HIGD1A: variants seen among roughly 807,000 people sequenced by gnomAD.
HIGD1A encodes the protein HIG1 hypoxia inducible domain family member 1A.
In HIGD1A, 8 loss-of-function variants were observed where a neutral mutation model predicts 11.3. The ratio of observed to expected loss-of-function variants is 0.71; its 90% confidence interval spans 0.42 to 1.28. HIGD1A has a LOEUF of 1.28. Among genes scored for constraint, HIGD1A ranks in the 50% most tolerant of loss-of-function variants. The pLI is 0.01. For synonymous variants in HIGD1A, 32 were observed against 38.4 expected, an observed-to-expected ratio of 0.83 and a Z score of 0.62; for missense variants, 107 against 118.8, an observed-to-expected ratio of 0.90 and a Z score of 0.46.
chr3:42,785,729 T>C (rs1360984582), intron 3 of HIGD1A, among the ~76,000 whole-genome samples: 3 of 152,240 alleles, frequency 2.0e-5, no homozygotes, highest in African/African-American at 4.8e-5. Flanking sequence ...AGCAATTGTA[T>C]GTCTCTCCCA....
chr3:42,785,944 T>C (rs1700344055), intron 3 of HIGD1A, 84 bp downstream of exon 3: 1 of 1,256,112 alleles, frequency 8.0e-7, no homozygotes, highest in East Asian at 2.3e-5. Context: ...TGCTAAAAGG[T>C]CAGCTAAAAA....
intron 1 of HIGD1A, among the ~76,000 whole-genome samples, chr3:42,799,666 G>A (rs1293670245): frequency 6.6e-6 from 1 of 151,786 alleles, no homozygotes; most frequent in Non-Finnish European, 1.5e-5. Flanking sequence ...ATGTTGGCCA[G>A]CCTGGTCTCA....
Position 42,786,038 on chromosome 3 carries a change from T to C in HIGD1A, c.222A>G (p.Ala74=), listed in dbSNP as rs376462089. Reference sequence around the variant, plus strand: ...CCTATAGGAACCTACCAACAGTCATTGCTCCTACAACAAAGCCTTGGGCTG... The same window carrying C: ...CCTATAGGAACCTACCAACAGTCATCGCTCCTACAACAAAGCCTTGGGCTG... ...RVAAQGFVVG[A]MTVGMGYSMY... Residue 74 remains alanine, a synonymous_variant, in exon 3 of 4, where the codon GCA becomes GCG. Transcript: ENST00000321331. The C allele has an allele frequency of 2.5e-6, 4 of 1,612,470 alleles. No individual in the cohort carries two copies. The highest frequency in any genetic ancestry group is 2.2e-5 in the East Asian group (1 of 44,884).
chr3:42,785,595 G>C (rs1700339878), intron 3 of HIGD1A, among the ~76,000 whole-genome samples: 1 of 152,130 alleles, frequency 6.6e-6, no homozygotes, highest in South Asian at 2.1e-4. Flanking sequence ...TATTTATCTG[G>C]TAACTTTGAA....
In HIGD1A at chr3:42,789,536, A is replaced by G. The variant is rs563346660; in HGVS notation, c.98-3374T>C. On this transcript the variant is annotated intron_variant, in intron 2 of 3. Transcript: ENST00000321331. ...AAATTTTAATAAAAAATAAATTAAA[A>G]AAAAGAATTCACTGGAAGAACATCC... 4.1e-5 allele frequency among the ~76,000 whole-genome samples: 6 copies of G among 145,138 alleles called. No individual in the cohort carries two copies. In the Admixed American group the frequency reaches 4.4e-4, roughly 11 times the overall value.
At chr3:42,794,388 C>T (rs1453681267) in intron 1 of HIGD1A, 113 bp from the exon 2 acceptor site, 1 of 1,020,828 alleles carries the variant, frequency 9.8e-7, no homozygotes, top group South Asian at 2.0e-5. Context: ...ATATGTTATC[C>T]ATAATCCTAA....
At chr3:42,792,937 G>A (rs1356153761) in intron 2 of HIGD1A, among the ~76,000 whole-genome samples, 6 of 141,230 alleles carry the variant, frequency 4.2e-5, no homozygotes, top group Admixed American at 7.1e-5. Context: ...AGCCGATATC[G>A]CGCCACTGCA....
chr3:42,785,963 TA>T, intron 3 of HIGD1A, 64 bp downstream of exon 3: 1 of 1,452,980 alleles, frequency 6.9e-7, no homozygotes, highest in Non-Finnish European at 9.6e-7. Context: ...AATATTTACC[TA>T]TTTTGTTTGT....
intron 1 of HIGD1A, 141 bp downstream of exon 1, chr3:42,804,295 C>T (rs1489628642): frequency 1.8e-6 from 2 of 1,135,608 alleles, no homozygotes; most frequent in South Asian, 1.4e-5. Flanking sequence ...CCCGGCAACT[C>T]CACCTCTCCT....
rs570516950 is a variant in HIGD1A at position 42,804,422 on chromosome 3, C to T, written c.-23+14G>A. On this transcript the variant is annotated intron_variant, in intron 1 of 3. Transcript: ENST00000321331. ...GAGTCCCTGGCTCGCAGTCCCCCGG[C>T]TTGTTTCGCTTACCTAGAGCGAGAA... The T allele has an allele frequency of 7.2e-5, 36 of 501,244 alleles. No individual in the cohort carries two copies. The highest frequency in any genetic ancestry group is 6.6e-4 in the African/African-American group (33 of 50,166). 31.0% of individuals were successfully genotyped at this position (501,244 alleles called of 1,614,324 possible). A position where few individuals can be genotyped will look rare whatever the true frequency, so the allele number is the denominator to read the frequency against.
At chr3:42,788,911 G>A (rs1331603046) in intron 2 of HIGD1A, among the ~76,000 whole-genome samples, 4 of 150,416 alleles carry the variant, frequency 2.7e-5, no homozygotes, top group Non-Finnish European at 5.9e-5. Flanking sequence ...GCCATGAGAA[G>A]AGAATTACAA....
At chr3:42,787,523 G>A (rs186680204) in intron 2 of HIGD1A, among the ~76,000 whole-genome samples, 53 of 148,490 alleles carry the variant, frequency 3.6e-4, no homozygotes, top group Admixed American at 9.4e-4. Context: ...CCTGGGAGGC[G>A]GAGGTTGCAG....
At chr3:42,795,219 CTTTT>C (rs5848631) in intron 1 of HIGD1A, among the ~76,000 whole-genome samples, 4 of 127,630 alleles carry the variant, frequency 3.1e-5, no homozygotes, top group African/African-American at 5.8e-5. Context: ...TTATGATTAG[CTTTT>C]TTTTTTTTTT....
chr3:42,793,008 C>T (rs755545640), intron 2 of HIGD1A, among the ~76,000 whole-genome samples: 6 of 148,586 alleles, frequency 4.0e-5, no homozygotes, highest in African/African-American at 1.2e-4. Context: ...AGTCGAGTTT[C>T]GAATAACATA....
chr3:42,800,473 CCT>C (rs1700542483), intron 1 of HIGD1A, among the ~76,000 whole-genome samples: 1 of 152,060 alleles, frequency 6.6e-6, no homozygotes, highest in Non-Finnish European at 1.5e-5. Context: ...GCTCTCTATA[CCT>C]CTAAGCCTTT....
At chr3:42,791,551 G>A (rs760344798) in intron 2 of HIGD1A, among the ~76,000 whole-genome samples, 1 of 152,152 alleles carries the variant, frequency 6.6e-6, no homozygotes, top group Non-Finnish European at 1.5e-5. Context: ...GCCTATTGGT[G>A]TAAATCATTG....
chr3:42,790,782 G>A lies in HIGD1A; in HGVS notation c.97+3375C>T, dbSNP rs995120235. 5.9e-5 allele frequency among the ~76,000 whole-genome samples: 9 copies of A among 152,094 alleles called. No homozygotes were observed. In the South Asian group the frequency reaches 6.2e-4, roughly 11 times the overall value. On this transcript the variant is annotated intron_variant, in intron 2 of 3. Transcript: ENST00000321331. Reference sequence around the variant, plus strand: ...AGACATTTTTCCCGTTTTGGACTGGGCAAGCCAGTTTCTTTTTCTTTTCTC... The same window carrying A: ...AGACATTTTTCCCGTTTTGGACTGGACAAGCCAGTTTCTTTTTCTTTTCTC...
intron 2 of HIGD1A, among the ~76,000 whole-genome samples, chr3:42,786,661 A>G (rs1700355488): frequency 6.6e-6 from 1 of 152,364 alleles, no homozygotes; most frequent in South Asian, 2.1e-4. Context: ...ATAGAGCAAT[A>G]TTAGTTTCAG....
intron 1 of HIGD1A, among the ~76,000 whole-genome samples, chr3:42,794,964 T>C (rs574721295): frequency 6.6e-6 from 1 of 152,286 alleles, no homozygotes; most frequent in African/African-American, 2.4e-5. Flanking sequence ...TCATAGCCTT[T>C]TAGATTTTTT....
Sources: allele counts gnomAD v4.1 joint callset (sites outside exome capture counted in the v4.1 genomes callset), GRCh38; gene constraint gnomAD v4.1.1; transcripts MANE v1.5; gene names NCBI Gene and HGNC (gene_info 2026-07-23, HGNC 2026-07-21).